Variants in MDFI observed in about 807,000 individuals in gnomAD.
MDFI encodes the protein MyoD family inhibitor, also known as inhibitor of MyoD family a.
In MDFI, 16 loss-of-function variants were observed where a neutral mutation model predicts 22.3. The ratio of observed to expected loss-of-function variants is 0.72; its 90% CI spans 0.49 to 1.09. The LOEUF is 1.09. Among genes scored for constraint, MDFI ranks in the 50% least tolerant of loss-of-function variants. The pLI is 0.00. For synonymous variants in MDFI, 145 were observed against 142.7 expected (o/e 1.02, Z -0.12); for missense variants, 314 against 326.1 (o/e 0.96, Z 0.29).
At chr6:41,648,038 G>A (rs1210682605) in intron 3 of MDFI, among the ~76,000 whole-genome samples, 2 of 71,490 alleles carry the variant, frequency 2.8e-5, no homozygotes, top group Non-Finnish European at 4.8e-5. Flanking sequence ...GCTAGACTCC[G>A]TCTCAAAAAA....
chr6:41,648,042 CAAAAAAAAAAAAAAA>C (rs3050046), intron 3 of MDFI, among the ~76,000 whole-genome samples: 2 of 65,548 alleles, frequency 3.1e-5, no homozygotes, highest in East Asian at 5.0e-4. Flanking sequence ...GACTCCGTCT[CAAAAAAAAAAAAAAA>C]AAAAAAAAAA....
chr6:41,650,762 C>A (rs1020925621), intron 4 of MDFI, among the ~76,000 whole-genome samples: 4 of 151,740 alleles, frequency 2.6e-5, no homozygotes, highest in African/African-American at 9.7e-5. Flanking sequence ...TTAGTAGAGA[C>A]AGGATTTCGC....
At position 41,653,498 on chromosome 6, in the gene MDFI, A is replaced by G; in HGVS notation, c.664A>G (p.Ile222Val). 6.2e-7 allele frequency: 1 copy of G among 1,602,798 alleles called. No homozygotes were observed. The change falls in exon 5 of 5, where the codon ATC (isoleucine) becomes GTC (valine). Residue 222 changes from isoleucine to valine, a missense_variant. Coordinates refer to ENST00000230321, the MANE Select transcript of MDFI (RefSeq NM_005586.4). The surrounding 1 kb of genome is among the most constrained non-coding windows in gnomAD (Gnocchi z 4.2). ...CCTGCCCTGCGACCTGGACTGCGGC[A>G]TCCTGGATGCCTGCTGCGAGTCCGC... ...CDLPCDLDCG[I>V]LDACCESADC...
intron 3 of MDFI, among the ~76,000 whole-genome samples, chr6:41,647,953 A>G (rs1462517356): frequency 7.0e-6 from 1 of 143,452 alleles, no homozygotes; most frequent in Non-Finnish European, 1.5e-5. Context: ...CTGAGGCAGG[A>G]GAATGGTGTG....
In MDFI at chr6:41,638,867, G is replaced by A. The variant is rs1408408416; in HGVS notation, c.76+42G>A. Reference sequence around the variant, plus strand: ...CGAGCGAAGCTGGACAGGGGCGGGTGGGCGGCTGAAGGGGCCAGTTATTAG... The same window carrying A: ...CGAGCGAAGCTGGACAGGGGCGGGTAGGCGGCTGAAGGGGCCAGTTATTAG... On this transcript the variant is annotated intron_variant, in intron 2 of 4. Coordinates refer to ENST00000230321, the MANE Select transcript of MDFI (RefSeq NM_005586.4). This position sits in a 1 kb window ranked among gnomAD's most constrained non-coding sequence, Gnocchi z 7.6. 6.6e-7 allele frequency: 1 copy of A among 1,520,198 alleles called. No homozygotes were observed. The highest frequency in any genetic ancestry group is 1.4e-5 in the African/African-American group (1 of 72,068). 94.2% of individuals were successfully genotyped at this position (1,520,198 alleles called of 1,614,324 possible).
chr6:41,649,924 C>T (rs1023707410), intron 4 of MDFI, 81 bp downstream of exon 4: 17 of 1,171,482 alleles, frequency 1.5e-5, no homozygotes, highest in Non-Finnish European at 2.1e-5. Context: ...CCCACTGGAG[C>T]ACCTTCACCA....
intron 4 of MDFI, among the ~76,000 whole-genome samples, chr6:41,652,608 CTTTTT>C (rs3050047): frequency 2.4e-5 from 2 of 84,406 alleles, no homozygotes; most frequent in African/African-American, 9.6e-5. Context: ...CTCTCCCTCT[CTTTTT>C]TTTTTTTTTT....
At chr6:41,645,199 C>G (rs1383843761) in intron 2 of MDFI, among the ~76,000 whole-genome samples, 1 of 152,062 alleles carries the variant, frequency 6.6e-6, no homozygotes, top group East Asian at 1.9e-4. Flanking sequence ...ATTGCCACAG[C>G]CTGGGCCCGC....
rs1767719772 is a variant in MDFI at position 41,638,607 on chromosome 6, C to G, written c.-57C>G. On this transcript the variant is annotated 5_prime_UTR_variant, in exon 1 of 5. Coordinates refer to ENST00000230321, the MANE Select transcript of MDFI (RefSeq NM_005586.4). The surrounding 1 kb of genome is among the most constrained non-coding windows in gnomAD (Gnocchi z 7.6). ...CCGGAGCAGGCGCGCATGGCGGGCC[C>G]CGCGCGGGGATCCGGCTGGAAGAGA... The G allele has an allele frequency of 9.9e-7, 1 of 1,012,378 alleles. No homozygotes were observed. Among genetic ancestry groups the G allele is most frequent in the South Asian group, 1.7e-5 (1 of 58,240 alleles). The allele number at this position is 1,012,378 out of a possible 1,614,324, so 62.7% of individuals were successfully genotyped here. A position where few individuals can be genotyped will look rare whatever the true frequency, so the allele number is the denominator to read the frequency against.
chr6:41,650,473 G>A (rs1284108329), intron 4 of MDFI, among the ~76,000 whole-genome samples: 1 of 152,102 alleles, frequency 6.6e-6, no homozygotes, highest in East Asian at 1.9e-4. Flanking sequence ...CTGTCCATGT[G>A]AAGGGACCCT....
chr6:41,650,613 G>A (rs1057427770), intron 4 of MDFI, among the ~76,000 whole-genome samples: 3 of 133,116 alleles, frequency 2.3e-5, no homozygotes, highest in African/African-American at 5.7e-5. Context: ...TTGCTCTGTC[G>A]CCCAGGCTGG....
chr6:41,646,407 C>T, intron 3 of MDFI, 99 bp downstream of exon 3: 3 of 1,114,668 alleles, frequency 2.7e-6, no homozygotes, highest in Non-Finnish European at 3.6e-6. Context: ...ACCCGCTTGG[C>T]CAGAACCTTG....
chr6:41,646,021 A>C (rs1450861283), intron 2 of MDFI, 105 bp from the exon 3 acceptor site: 1 of 1,052,700 alleles, frequency 9.5e-7, no homozygotes, highest in African/African-American at 1.7e-5. Context: ...AGACAGACAA[A>C]GAATGAGGGT....
chr6:41,647,806 G>C (rs906455304), intron 3 of MDFI, among the ~76,000 whole-genome samples: 4 of 151,926 alleles, frequency 2.6e-5, no homozygotes, highest in Non-Finnish European at 5.9e-5. Flanking sequence ...ACTCTGGGAG[G>C]CTGAGGCGGG....
rs1362550592 is a variant in MDFI, at chr6:41,653,130, C to T, written c.485-189C>T. ...AGACTGCCCGCTCCGATGTGCTTAA[C>T]TGTCTGTGCCTCGGGGTCATCACCT... is the stretch of plus-strand genomic sequence containing the variant. On this transcript the variant is annotated intron_variant, in intron 4 of 4. Coordinates refer to ENST00000230321, the MANE Select transcript of MDFI (RefSeq NM_005586.4). The surrounding 1 kb of genome is among the most constrained non-coding windows in gnomAD (Gnocchi z 4.2). Among the ~76,000 whole-genome samples, 2 of 152,220 alleles carry T rather than the reference C, an allele frequency of 1.3e-5. No homozygotes were observed. The highest frequency in any genetic ancestry group is 2.9e-5 in the Non-Finnish European group (2 of 68,036).
At chr6:41,647,610 C>T (rs1452195495) in intron 3 of MDFI, among the ~76,000 whole-genome samples, 4 of 152,128 alleles carry the variant, frequency 2.6e-5, no homozygotes, top group African/African-American at 9.7e-5. Flanking sequence ...CCCGATCCCC[C>T]ACCTTGTCCT....
Position 41,653,744 on chromosome 6 carries a change from G to A in MDFI, c.*169G>A. ...AACCCCAGCCTTGAAAATAGTGGGG[G>A]GCACTCAGAGGGGCCACCTCCTCAG... On this transcript the variant is annotated 3_prime_UTR_variant, in exon 5 of 5. Transcript: ENST00000230321. This position sits in a 1 kb window ranked among gnomAD's most constrained non-coding sequence, Gnocchi z 4.2. The A allele has an allele frequency of 1.2e-6, 1 of 830,168 alleles. No homozygotes were observed. The highest frequency in any genetic ancestry group is 1.8e-6 in the Non-Finnish European group (1 of 543,814). 51.4% of individuals were successfully genotyped at this position (830,168 alleles called of 1,614,324 possible).
At chr6:41,640,883 A>T (rs1005063546) in intron 2 of MDFI, among the ~76,000 whole-genome samples, 1 of 152,076 alleles carries the variant, frequency 6.6e-6, no homozygotes, top group African/African-American at 2.4e-5. Flanking sequence ...ATTTTTGCCC[A>T]GCATTGGGGC....
chr6:41,653,397 C>T lies in MDFI; in HGVS notation c.563C>T (p.Thr188Ile). The T allele has an allele frequency of 6.2e-7, 1 of 1,610,968 alleles. No individual in the cohort carries two copies. The highest frequency in any genetic ancestry group is 1.1e-5 in the South Asian group (1 of 91,086). Residue 188 changes from threonine (T) to isoleucine (I), a missense_variant, in exon 5 of 5, where the codon ACC becomes ATC. By Grantham distance (89) the Thr-to-Ile change is moderately conservative (BLOSUM62 -1). Coordinates refer to ENST00000230321, the MANE Select transcript of MDFI (RefSeq NM_005586.4). The surrounding 1 kb of genome is among the most constrained non-coding windows in gnomAD (Gnocchi z 4.2). ...TGCAACATCGTCCTGGACTGCGCCA[C>T]CTGTGGCTCCTGCAGCTCGGAGGAC... The part of the protein sequence containing the change: ...TLCNIVLDCA[T>I]CGSCSSEDSC...
Sources: allele counts gnomAD v4.1 joint callset (sites outside exome capture counted in the v4.1 genomes callset), GRCh38; gene constraint gnomAD v4.1.1; non-coding constraint Gnocchi (gnomAD v3.1); transcripts MANE v1.5; gene names NCBI Gene and HGNC (gene_info 2026-07-23, HGNC 2026-07-21).